Variants in ROBO1 observed in about 807,000 individuals in gnomAD.
ROBO1 encodes roundabout guidance receptor 1, also known as roundabout homolog 1.
ROBO1 carries 149 observed loss-of-function variants against 195.9 expected under a neutral mutation model. That is an observed-to-expected ratio of 0.76 (90% CI 0.67 to 0.87). ROBO1 has a LOEUF of 0.87. ROBO1 is among the 40% of genes least tolerant of loss of function. ROBO1 has a pLI of 0.00. For synonymous variants in ROBO1, 816 were observed against 733.2 expected (o/e 1.11, Z -1.82); for missense variants, 1,933 against 2,068.3 (o/e 0.93, Z 1.27).
At chr3:78,683,832 T>C (rs1487379752) in intron 10 of ROBO1, among the ~76,000 whole-genome samples, 1 of 151,564 alleles carries the variant, frequency 6.6e-6, no homozygotes, top group Non-Finnish European at 1.5e-5. Context: ...GTGTAAATAA[T>C]AAAGCTTCTA....
intron 8 of ROBO1, among the ~76,000 whole-genome samples, chr3:78,704,716 T>G (rs2081508845): frequency 6.8e-6 from 1 of 147,530 alleles, no homozygotes; most frequent in Non-Finnish European, 1.5e-5. Context: ...CATGGTGGCA[T>G]GCTTCTGTAG....
At chr3:78,834,603 T>G (rs1293984488) in intron 4 of ROBO1, among the ~76,000 whole-genome samples, 1 of 151,906 alleles carries the variant, frequency 6.6e-6, no homozygotes, top group African/African-American at 2.4e-5. Flanking sequence ...TCAGAACTAT[T>G]ATTAACATGG....
intron 2 of ROBO1, among the ~76,000 whole-genome samples, chr3:79,293,594 GA>G (rs2032392736): frequency 6.6e-6 from 1 of 152,182 alleles, no homozygotes; most frequent in Middle Eastern, 3.4e-3. Context: ...TTTCTTCAAG[GA>G]AAATTACAAA....
intron 2 of ROBO1, among the ~76,000 whole-genome samples, chr3:79,149,257 T>A (rs2080715931): frequency 6.6e-6 from 1 of 151,910 alleles, no homozygotes; most frequent in African/African-American, 2.4e-5. Context: ...AGTTATCAGT[T>A]TCCTTAATTT....
intron 2 of ROBO1, among the ~76,000 whole-genome samples, chr3:79,127,006 C>T (rs1305165378): frequency 4.0e-5 from 5 of 125,092 alleles, no homozygotes; most frequent in Non-Finnish European, 8.4e-5. Flanking sequence ...GTGGCTAAAA[C>T]GAAAAAAAAA....
At chr3:79,465,268 G>C (rs1937897845) in intron 2 of ROBO1, among the ~76,000 whole-genome samples, 1 of 152,114 alleles carries the variant, frequency 6.6e-6, no homozygotes, top group Non-Finnish European at 1.5e-5. Context: ...TTTAACGGTG[G>C]TTGTCTTGGA....
chr3:78,623,538 A>G (rs1224711761), intron 26 of ROBO1, among the ~76,000 whole-genome samples: 1 of 152,180 alleles, frequency 6.6e-6, no homozygotes, highest in Non-Finnish European at 1.5e-5. Flanking sequence ...CCCTGCTTTT[A>G]TTTTAAGAAA....
intron 2 of ROBO1, among the ~76,000 whole-genome samples, chr3:79,237,620 T>C (rs1049447468): frequency 1.3e-5 from 2 of 152,116 alleles, no homozygotes; most frequent in African/African-American, 2.4e-5. Context: ...TCTGCAGAAA[T>C]TGTTGAAAAA....
At chr3:78,766,593 T>C (rs1260490426) in intron 4 of ROBO1, among the ~76,000 whole-genome samples, 1 of 152,198 alleles carries the variant, frequency 6.6e-6, no homozygotes, top group Non-Finnish European at 1.5e-5. Context: ...TCTTTACTGA[T>C]TTGGATGCCC....
At chr3:79,205,998 C>T (rs1271162168) in intron 2 of ROBO1, among the ~76,000 whole-genome samples, 1 of 152,156 alleles carries the variant, frequency 6.6e-6, no homozygotes, top group Non-Finnish European at 1.5e-5. Flanking sequence ...CTTCACTTTC[C>T]TAGGTTTCAG....
At chr3:79,631,877 G>A (rs1477738849) in intron 1 of ROBO1, among the ~76,000 whole-genome samples, 1 of 152,014 alleles carries the variant, frequency 6.6e-6, no homozygotes, top group East Asian at 1.9e-4. Flanking sequence ...ATGAAAAAAT[G>A]CTCAACATCA....
chr3:79,524,772 G>T (rs768525630), intron 2 of ROBO1, among the ~76,000 whole-genome samples: 10 of 152,060 alleles, frequency 6.6e-5, no homozygotes, highest in Non-Finnish European at 1.0e-4. Flanking sequence ...GTATCATAAT[G>T]CTTGATCATA....
At chr3:79,355,405 C>A (rs1342961099) in intron 2 of ROBO1, among the ~76,000 whole-genome samples, 2 of 152,064 alleles carry the variant, frequency 1.3e-5, no homozygotes, top group Non-Finnish European at 2.9e-5. Context: ...TGTGTCATTT[C>A]TTTGTTTTCA....
chr3:79,210,612 A>C (rs2108800835), intron 2 of ROBO1, among the ~76,000 whole-genome samples: 1 of 152,300 alleles, frequency 6.6e-6, no homozygotes, highest in Admixed American at 6.5e-5. Context: ...GGACTAAAGG[A>C]CACACAGCAA....
At chr3:78,771,745 C>G (rs547514433) in intron 4 of ROBO1, among the ~76,000 whole-genome samples, 2 of 152,140 alleles carry the variant, frequency 1.3e-5, no homozygotes, top group South Asian at 4.1e-4. Flanking sequence ...ATTTTATATC[C>G]TGAAACTTTA....
intron 2 of ROBO1, among the ~76,000 whole-genome samples, chr3:79,437,669 A>G (rs552772808): frequency 2.0e-5 from 3 of 152,152 alleles, no homozygotes; most frequent in South Asian, 2.1e-4. Context: ...TATGTACTGT[A>G]TGGTTCTATG....
At chr3:79,046,028 T>C (rs920560131) in intron 3 of ROBO1, among the ~76,000 whole-genome samples, 3 of 152,184 alleles carry the variant, frequency 2.0e-5, no homozygotes, top group Admixed American at 6.5e-5. Context: ...CACCTCCTCG[T>C]ATTTATGTCC....
chr3:79,330,076 A>G (rs936051591), intron 2 of ROBO1, among the ~76,000 whole-genome samples: 4 of 151,762 alleles, frequency 2.6e-5, no homozygotes, highest in Non-Finnish European at 5.9e-5. Flanking sequence ...AAAATTAGTA[A>G]TTTAAAAGGG....
At chr3:79,578,917 T>G (rs2107780871) in intron 2 of ROBO1, among the ~76,000 whole-genome samples, 1 of 152,336 alleles carries the variant, frequency 6.6e-6, no homozygotes, top group South Asian at 2.1e-4. Flanking sequence ...AATAATAATC[T>G]ATTAAGAACT....
Sources: gnomAD v4.1 joint callset for allele counts (sites outside exome capture counted in the v4.1 genomes callset) on GRCh38, gnomAD v4.1.1 for gene constraint, MANE v1.5 for transcripts, NCBI Gene and HGNC (gene_info 2026-07-23, HGNC 2026-07-21) for gene names.